The following BNC2 variants were observed in gnomAD, a reference collection of about 807,000 sequenced individuals.
BNC2 encodes zinc finger protein basonuclin-2.
In BNC2, 20 loss-of-function variants were observed where a neutral mutation model predicts 76.3. That is an observed-to-expected ratio of 0.26 (90% CI 0.18 to 0.38). BNC2 has a LOEUF of 0.38. Ranked by LOEUF, BNC2 falls within the 10% of genes least tolerant of loss-of-function variation. The pLI is 1.00. For synonymous variants in BNC2, 582 were observed against 514.8 expected (o/e 1.13, Z -1.77); for missense variants, 1,382 against 1,399.8 (o/e 0.99, Z 0.20).
At chr9:16,533,975 T>G (rs1338248816) in intron 5 of BNC2, among the ~76,000 whole-genome samples, 1 of 147,156 alleles carries the variant, frequency 6.8e-6, no homozygotes, top group Non-Finnish European at 1.5e-5. Flanking sequence ...ACGTCTGACT[T>G]CTAAAATTCG....
intron 3 of BNC2, among the ~76,000 whole-genome samples, chr9:16,596,175 G>A (rs534441838): frequency 9.9e-5 from 15 of 152,054 alleles, no homozygotes; most frequent in South Asian, 4.1e-4. Context: ...AGGACTTTAA[G>A]GTTTATCAGC....
intron 5 of BNC2, among the ~76,000 whole-genome samples, chr9:16,530,294 C>T (rs1817938978): frequency 1.3e-5 from 2 of 151,854 alleles, no homozygotes; most frequent in African/African-American, 2.4e-5. Context: ...CTGAATATAG[C>T]TTCATCTTCA....
intron 1 of BNC2, among the ~76,000 whole-genome samples, chr9:16,779,150 A>G (rs1377082509): frequency 2.7e-5 from 3 of 109,154 alleles, no homozygotes; most frequent in South Asian, 3.0e-4. Flanking sequence ...GAAAAGAAAA[A>G]AAAACCAGCC....
intron 2 of BNC2, among the ~76,000 whole-genome samples, chr9:16,731,882 G>A (rs2135041448): frequency 6.6e-6 from 1 of 152,144 alleles, no homozygotes. Flanking sequence ...TGTAATTGCA[G>A]GAAAATTTTA....
intron 3 of BNC2, among the ~76,000 whole-genome samples, chr9:16,710,816 C>G (rs1247081987): frequency 6.6e-6 from 1 of 151,788 alleles, no homozygotes; most frequent in Non-Finnish European, 1.5e-5. Flanking sequence ...ATATAATACC[C>G]AGGTCCTTCA....
At chr9:16,713,995 G>A (rs562688208) in intron 3 of BNC2, among the ~76,000 whole-genome samples, 1 of 152,254 alleles carries the variant, frequency 6.6e-6, no homozygotes, top group African/African-American at 2.4e-5. Flanking sequence ...GACTGCTTGC[G>A]CCTGGGCGGG....
rs1479308743 is a variant in BNC2, at chr9:16,735,408, A to AC, written c.129+2951_129+2952insG. Among the ~76,000 whole-genome samples, 58 of 147,180 alleles carry AC rather than the reference A, an allele frequency of 3.9e-4. 1 individual carries two copies. Among genetic ancestry groups the AC allele is most frequent in the African/African-American group, 1.2e-3 (50 of 40,608 alleles). On this transcript the variant is annotated intron_variant, in intron 2 of 6. Transcript: ENST00000380672. ...ACTTAAATGAATTTAAAAAAAAAAA[A>AC]AAAAAAAAACAGGCTGGGGGCGCAC...
At chr9:16,611,916 C>A (rs1321631272) in intron 3 of BNC2, among the ~76,000 whole-genome samples, 1 of 151,942 alleles carries the variant, frequency 6.6e-6, no homozygotes, top group East Asian at 1.9e-4. Flanking sequence ...AACAAATATT[C>A]CTCCATATAA....
intron 4 of BNC2, among the ~76,000 whole-genome samples, chr9:16,561,476 T>G (rs1819013401): frequency 6.6e-6 from 1 of 152,162 alleles, no homozygotes; most frequent in Non-Finnish European, 1.5e-5. Context: ...CCATGAGGTA[T>G]GCAAACACAA....
chr9:16,819,564 G>A (rs1368768391), intron 1 of BNC2, among the ~76,000 whole-genome samples: 1 of 152,012 alleles, frequency 6.6e-6, no homozygotes, highest in South Asian at 2.1e-4. Flanking sequence ...TCAGGAGGCA[G>A]CAGAATCACT....
At chr9:16,844,646 C>A (rs7033341) in intron 1 of BNC2, among the ~76,000 whole-genome samples, 148,438 of 151,606 alleles carry the variant, frequency 0.98, 72,752 homozygotes, top group Middle Eastern at 1. Flanking sequence ...CTACAGGCAC[C>A]CGCCACCACG....
At chr9:16,623,698 T>G (rs1027189808) in intron 3 of BNC2, among the ~76,000 whole-genome samples, 1 of 152,238 alleles carries the variant, frequency 6.6e-6, no homozygotes. Flanking sequence ...TGAGGCTGGA[T>G]TAATTCATAG....
chr9:16,790,810 T>C (rs1199092388), intron 1 of BNC2, among the ~76,000 whole-genome samples: 1 of 128,196 alleles, frequency 7.8e-6, no homozygotes, highest in Non-Finnish European at 1.6e-5. Flanking sequence ...GACATTCCCT[T>C]GGTAAGCTTT....
intron 5 of BNC2, among the ~76,000 whole-genome samples, chr9:16,539,308 T>A (rs1462973391): frequency 6.6e-6 from 1 of 151,768 alleles, no homozygotes; most frequent in Admixed American, 6.6e-5. Context: ...TGGCTTGAGG[T>A]CAGGAGTTTG....
chr9:16,803,007 A>C (rs559118544), intron 1 of BNC2, among the ~76,000 whole-genome samples: 5 of 152,324 alleles, frequency 3.3e-5, no homozygotes, highest in African/African-American at 1.2e-4. Context: ...ACATTGACTT[A>C]ATATTCTCCC....
intron 5 of BNC2, among the ~76,000 whole-genome samples, chr9:16,460,468 C>A (rs534235352): frequency 3.9e-4 from 60 of 152,128 alleles, no homozygotes; most frequent in African/African-American, 1.3e-3. Context: ...ACTAAAAATA[C>A]AAAAATTAGC....
At chr9:16,687,150 A>C (rs1220769770) in intron 3 of BNC2, among the ~76,000 whole-genome samples, 1 of 152,164 alleles carries the variant, frequency 6.6e-6, no homozygotes, top group Non-Finnish European at 1.5e-5. Flanking sequence ...ACCTGGATTC[A>C]AACTTAAGAC....
At chr9:16,650,801 C>A (rs1821773088) in intron 3 of BNC2, among the ~76,000 whole-genome samples, 1 of 152,104 alleles carries the variant, frequency 6.6e-6, no homozygotes, top group Non-Finnish European at 1.5e-5. Context: ...CAAAGCTATG[C>A]CTTTTCCAAT....
At chr9:16,664,763 AAGG>A (rs1193176242) in intron 3 of BNC2, among the ~76,000 whole-genome samples, 1 of 152,092 alleles carries the variant, frequency 6.6e-6, no homozygotes, top group East Asian at 1.9e-4. Context: ...GAGACCCAAT[AAGG>A]AGAAGGTTTT....
Sources: allele counts gnomAD v4.1 joint callset (sites outside exome capture counted in the v4.1 genomes callset), GRCh38; gene constraint gnomAD v4.1.1; transcripts MANE v1.5; gene names NCBI Gene and HGNC (gene_info 2026-07-23, HGNC 2026-07-21).